VWA8: variants seen among roughly 807,000 people sequenced by gnomAD.
VWA8 encodes the protein von Willebrand factor A domain containing 8.
Under a neutral mutation model 241.5 loss-of-function variants are expected in VWA8, and 221 were observed. The ratio of observed to expected loss-of-function variants is 0.91; its 90% CI spans 0.82 to 1.02. The LOEUF is 1.02. Among genes scored for constraint, VWA8 ranks in the 50% least tolerant of loss-of-function variants. The pLI is 0.00. For missense variants in VWA8, 2,322 were observed against 2,328.7 expected, an observed-to-expected ratio of 1.00 and a Z score of 0.06; for synonymous variants, 852 against 827.1, an observed-to-expected ratio of 1.03 and a Z score of -0.52.
intron 2 of VWA8, among the ~76,000 whole-genome samples, chr13:41,921,386 G>C (rs942361859): frequency 1.3e-4 from 20 of 152,306 alleles, no homozygotes; most frequent in Admixed American, 3.9e-4. Flanking sequence ...ACAAGACAGG[G>C]ATGCCCTCTC....
intron 37 of VWA8, among the ~76,000 whole-genome samples, chr13:41,619,041 T>A (rs1329044059): frequency 1.3e-5 from 2 of 152,208 alleles, no homozygotes; most frequent in Non-Finnish European, 2.9e-5. Flanking sequence ...GGGGATGGCA[T>A]TGAATCTGTA....
intron 2 of VWA8, among the ~76,000 whole-genome samples, chr13:41,917,784 T>TC (rs537194952): frequency 8.1e-4 from 124 of 152,360 alleles, no homozygotes; most frequent in African/African-American, 2.8e-3. Flanking sequence ...TCCTCACTGG[T>TC]AAAGCCTATG....
rs771768570 is a variant in VWA8 at position 41,912,050 on chromosome 13, A to T, written c.360T>A (p.Ala120=). 1 of 1,590,270 alleles carries T rather than the reference A, an allele frequency of 6.3e-7. No individual in the cohort carries two copies. Among genetic ancestry groups the T allele is most frequent in the East Asian group, 2.2e-5 (1 of 44,464 alleles). ...GPPGPLRRSI[A]MQYLELTKRE... ...ATTAACTGCTCACCAAGTACTGCAT[A>T]GCAATAGAGCGTCGAAGAGGCCCAG... The change falls in exon 3 of 45, where the codon GCT becomes GCA. Residue 120 remains alanine, a synonymous_variant. Coordinates refer to ENST00000379310, the MANE Select transcript of VWA8 (RefSeq NM_015058.2).
chr13:41,691,182 C>T lies in VWA8; in HGVS notation c.3866+138G>A. 2.8e-6 allele frequency: 3 copies of T among 1,056,062 alleles called. No homozygotes were observed. In the South Asian group the frequency reaches 7.0e-5, roughly 25 times the overall value. The allele number at this position is 1,056,062 out of a possible 1,614,324, so 65.4% of individuals were successfully genotyped here. On this transcript the variant is annotated intron_variant, in intron 32 of 44. Transcript: ENST00000379310. ...TCCCCTCCTCAATTCTTATAAGTCT[C>T]ATATATAGAGATGCTGCCAAACACA... is the stretch of plus-strand genomic sequence containing the variant.
intron 2 of VWA8, among the ~76,000 whole-genome samples, chr13:41,930,658 C>T (rs1877061813): frequency 1.3e-5 from 2 of 152,168 alleles, no homozygotes; most frequent in Admixed American, 1.3e-4. Context: ...ACCCAATTTA[C>T]TAAGCATCCC....
At chr13:41,892,738 T>G (rs1406980143) in intron 4 of VWA8, among the ~76,000 whole-genome samples, 1 of 152,194 alleles carries the variant, frequency 6.6e-6, no homozygotes, top group African/African-American at 2.4e-5. Flanking sequence ...CCAAACCTGC[T>G]TCTCTTCTTT....
In VWA8 at chr13:41,682,801, C is replaced by T. The variant is rs532042784; in HGVS notation, c.4327+2246G>A. ...CTCATTAATAAGAAAATAAATAACC[C>T]GATTTAAAAATGGGCAAAAGATCTG... is the stretch of plus-strand genomic sequence containing the variant. On this transcript the variant is annotated intron_variant, in intron 35 of 44. Coordinates refer to ENST00000379310, the MANE Select transcript of VWA8 (RefSeq NM_015058.2). 3.6e-4 allele frequency among the ~76,000 whole-genome samples: 55 copies of T among 152,080 alleles called. 2 individuals carry two copies. In the South Asian group the frequency reaches 0.011, roughly 30 times the overall value.
At chr13:41,693,017 T>TTC (rs1230674275) in intron 29 of VWA8, 45 bp from the exon 30 acceptor site, 2 of 1,411,294 alleles carry the variant, frequency 1.4e-6, no homozygotes, top group South Asian at 1.3e-5. Flanking sequence ...TTGTTCTTTT[T>TTC]TTTTTTTTTT....
At chr13:41,944,835 T>TCAA (rs143950094) in intron 2 of VWA8, among the ~76,000 whole-genome samples, 51,871 of 151,866 alleles carry the variant, frequency 0.34, 9,063 homozygotes, top group East Asian at 0.43. Flanking sequence ...TCAAAAAAAA[T>TCAA]CAACAATTGT....
intron 25 of VWA8, 117 bp downstream of exon 25, chr13:41,721,253 T>C (rs1402806135): frequency 2.9e-6 from 3 of 1,028,880 alleles, no homozygotes; most frequent in Non-Finnish European, 2.9e-6. Context: ...TTTCAAATCA[T>C]GTAATCTGAC....
chr13:41,847,290 T>C (rs188101284), intron 12 of VWA8, among the ~76,000 whole-genome samples: 32 of 152,254 alleles, frequency 2.1e-4, no homozygotes, highest in African/African-American at 7.2e-4. Flanking sequence ...TAGTTGGTAC[T>C]ACACAGAAAA....
intron 18 of VWA8, 22 bp from the exon 19 acceptor site, chr13:41,783,923 G>T (rs1483320729): frequency 3.1e-6 from 5 of 1,589,914 alleles, no homozygotes; most frequent in Admixed American, 1.7e-5. Context: ...ACACAGGACG[G>T]ATAATTATTC....
chr13:41,907,908 T>A (rs1175222585), intron 3 of VWA8, among the ~76,000 whole-genome samples: 2 of 152,222 alleles, frequency 1.3e-5, no homozygotes, highest in Non-Finnish European at 2.9e-5. Context: ...TCTTCTTCTA[T>A]GGCACTCAAT....
rs1209017813 is a variant in VWA8 at position 41,701,450 on chromosome 13, G to C, written c.3306C>G (p.Ala1102=). The C allele has an allele frequency of 6.2e-7, 1 of 1,612,056 alleles. No homozygotes were observed. The highest frequency in any genetic ancestry group is 2.2e-5 in the East Asian group (1 of 44,674). ...ERSLNFTEEC[A]SWRIPLDEIN... ...TTTCATCCAATGGTATTCTCCATGAGGCACATTCTTCAGTAAAGTTTAGGG... is the reference window on the plus strand; with the variant it reads ...TTTCATCCAATGGTATTCTCCATGACGCACATTCTTCAGTAAAGTTTAGGG... The change falls in exon 28 of 45, where the codon GCC becomes GCG. Residue 1102 remains alanine (A), a synonymous_variant. Coordinates refer to ENST00000379310, the MANE Select transcript of VWA8 (RefSeq NM_015058.2).
chr13:41,769,656 A>G (rs1049810960), intron 20 of VWA8, among the ~76,000 whole-genome samples: 37 of 152,294 alleles, frequency 2.4e-4, no homozygotes, highest in Admixed American at 1.2e-3. Context: ...ATGATGCAAA[A>G]AAGCATGAGC....
chr13:41,954,085 G>A (rs1878253573), intron 1 of VWA8, among the ~76,000 whole-genome samples: 1 of 152,014 alleles, frequency 6.6e-6, no homozygotes, highest in Non-Finnish European at 1.5e-5. Flanking sequence ...TGCCATCTCT[G>A]CCTCAAACAT....
At chr13:41,832,722 G>A (rs1276971674) in intron 13 of VWA8, among the ~76,000 whole-genome samples, 2 of 151,966 alleles carry the variant, frequency 1.3e-5, no homozygotes, top group Non-Finnish European at 2.9e-5. Flanking sequence ...TACAAGATGG[G>A]AATATTTTCT....
At chr13:41,709,769 C>CCT (rs1555323717) in intron 26 of VWA8, among the ~76,000 whole-genome samples, 16 of 146,972 alleles carry the variant, frequency 1.1e-4, no homozygotes, top group African/African-American at 3.8e-4. Flanking sequence ...CTGTCTCTCT[C>CCT]TCTTTTTTTT....
intron 14 of VWA8, among the ~76,000 whole-genome samples, chr13:41,821,635 GA>G (rs1318561518): frequency 1.3e-5 from 2 of 151,778 alleles, no homozygotes; most frequent in East Asian, 1.9e-4. Flanking sequence ...TTAGCAACAA[GA>G]AAAAAATAAA....
Sources: allele counts gnomAD v4.1 joint callset (sites outside exome capture counted in the v4.1 genomes callset), GRCh38; gene constraint gnomAD v4.1.1; transcripts MANE v1.5; gene names NCBI Gene and HGNC (gene_info 2026-07-23, HGNC 2026-07-21).